Variants in FOXP1 observed in about 807,000 individuals in gnomAD.
FOXP1 encodes forkhead box protein P1.
Under a neutral mutation model 98.2 loss-of-function variants are expected in FOXP1, and 15 were observed. That is an observed-to-expected ratio of 0.15 (90% CI 0.10 to 0.24). The LOEUF (loss-of-function observed/expected upper bound fraction) is 0.24, where lower values mean the gene tolerates loss of function less well. Among genes scored for constraint, FOXP1 ranks in the 10% least tolerant of loss-of-function variants. FOXP1 has a pLI of 1.00. For synonymous variants in FOXP1, 371 were observed against 314.5 expected (o/e 1.18, Z -1.90); for missense variants, 633 against 848.5 (o/e 0.75, Z 3.15).
intron 2 of FOXP1, among the ~76,000 whole-genome samples, chr3:71,540,325 G>A (rs367729470): frequency 6.6e-6 from 1 of 152,192 alleles, no homozygotes; most frequent in African/African-American, 2.4e-5. Flanking sequence ...TGTAAACAAC[G>A]TCTAATGACA....
At chr3:71,226,692 T>C (rs1408414336) in intron 5 of FOXP1, among the ~76,000 whole-genome samples, 2 of 151,954 alleles carry the variant, frequency 1.3e-5, no homozygotes, top group Non-Finnish European at 2.9e-5. Flanking sequence ...ATCTTCCTCT[T>C]AGTATCCCTT....
At chr3:71,102,100 C>A (rs924417207) in intron 7 of FOXP1, among the ~76,000 whole-genome samples, 4 of 152,142 alleles carry the variant, frequency 2.6e-5, no homozygotes, top group African/African-American at 7.2e-5. Flanking sequence ...ACAATCCCAA[C>A]AGCAAGGTGG....
At chr3:71,157,194 T>A (rs1360741153) in intron 6 of FOXP1, among the ~76,000 whole-genome samples, 1 of 152,082 alleles carries the variant, frequency 6.6e-6, no homozygotes, top group Non-Finnish European at 1.5e-5. Context: ...CAGGTATAGA[T>A]TTTCAAACAT....
intron 3 of FOXP1, among the ~76,000 whole-genome samples, chr3:71,412,622 C>A (rs2082838182): frequency 6.6e-6 from 1 of 152,148 alleles, no homozygotes; most frequent in Admixed American, 6.5e-5. Context: ...CATGATGCAA[C>A]CAAACCTTGT....
At chr3:71,395,516 A>C (rs529415485) in intron 3 of FOXP1, among the ~76,000 whole-genome samples, 11 of 151,662 alleles carry the variant, frequency 7.3e-5, no homozygotes, top group African/African-American at 2.7e-4. Flanking sequence ...TCCTCTGAGA[A>C]GCCTTACCTG....
chr3:71,015,944 G>C (rs1446266378), intron 11 of FOXP1, among the ~76,000 whole-genome samples: 2 of 152,162 alleles, frequency 1.3e-5, no homozygotes, highest in Admixed American at 6.5e-5. Flanking sequence ...GACTGCGAAG[G>C]AGTCTTTAAA....
intron 20 of FOXP1, among the ~76,000 whole-genome samples, chr3:70,965,004 G>A (rs2034437569): frequency 6.6e-6 from 1 of 152,188 alleles, no homozygotes; most frequent in South Asian, 2.1e-4. Context: ...TAGACAAGCA[G>A]CCTATTCTAG....
At chr3:70,963,308 G>C (rs2033998054) in intron 20 of FOXP1, among the ~76,000 whole-genome samples, 2 of 152,208 alleles carry the variant, frequency 1.3e-5, no homozygotes, top group South Asian at 4.1e-4. Flanking sequence ...CTTTAGAGAA[G>C]TGAAATCCGA....
At chr3:71,483,855 AT>A (rs1483962876) in intron 3 of FOXP1, among the ~76,000 whole-genome samples, 5 of 152,078 alleles carry the variant, frequency 3.3e-5, no homozygotes, top group Non-Finnish European at 7.4e-5. Context: ...GTAAAAAAAA[AT>A]AAAAATAAAT....
At chr3:71,410,554 G>A (rs1470258017) in intron 3 of FOXP1, among the ~76,000 whole-genome samples, 2 of 152,170 alleles carry the variant, frequency 1.3e-5, no homozygotes, top group Non-Finnish European at 2.9e-5. Context: ...AGTCAAAAAG[G>A]CATCCATGGG....
intron 7 of FOXP1, among the ~76,000 whole-genome samples, chr3:71,080,018 C>A (rs978400305): frequency 6.6e-6 from 1 of 152,200 alleles, no homozygotes; most frequent in African/African-American, 2.4e-5. Context: ...TTGCTCATTT[C>A]AGAGCAGGAC....
chr3:71,076,983 C>T (rs1272709282), intron 7 of FOXP1, among the ~76,000 whole-genome samples: 1 of 152,192 alleles, frequency 6.6e-6, no homozygotes, highest in Non-Finnish European at 1.5e-5. Context: ...AACATTCACA[C>T]AGGGATTGGA....
chr3:71,032,042 C>T (rs558183527), intron 11 of FOXP1, among the ~76,000 whole-genome samples: 4 of 152,270 alleles, frequency 2.6e-5, no homozygotes, highest in Admixed American at 6.5e-5. Context: ...AGTGTGTGTG[C>T]GTCATAACTC....
Position 71,112,496 on chromosome 3 carries a change from A to C in FOXP1, c.282+40T>G, listed in dbSNP as rs760387864. On this transcript the variant is annotated intron_variant, in intron 7 of 20. Transcript: ENST00000649528. Reference sequence around the variant, plus strand: ...CCTGAACTGCTTGTCACTTATCCCAAAGGGTATAATGTCAATTTAAAAAGA... The same window carrying C: ...CCTGAACTGCTTGTCACTTATCCCACAGGGTATAATGTCAATTTAAAAAGA... The C allele has an allele frequency of 2.1e-6, 3 of 1,460,254 alleles. No homozygotes were observed. In the Admixed American group the frequency reaches 5.0e-5, roughly 24 times the overall value. The allele number at this position is 1,460,254 out of a possible 1,614,324, so 90.5% of individuals were successfully genotyped here. A position where few individuals can be genotyped will look rare whatever the true frequency, so the allele number is the denominator to read the frequency against.
intron 5 of FOXP1, among the ~76,000 whole-genome samples, chr3:71,236,228 C>T (rs1005547725): frequency 4.6e-5 from 7 of 152,232 alleles, no homozygotes; most frequent in Admixed American, 2.0e-4. Context: ...GGGGTAGGTG[C>T]TATATTCTCA....
chr3:70,986,605 A>G (rs2039777346), intron 14 of FOXP1, among the ~76,000 whole-genome samples: 1 of 152,202 alleles, frequency 6.6e-6, no homozygotes, highest in Non-Finnish European at 1.5e-5. Context: ...TCAGAGGCTC[A>G]CCATTTTGCT....
At chr3:71,207,483 C>A (rs2064133655) in intron 5 of FOXP1, among the ~76,000 whole-genome samples, 2 of 152,098 alleles carry the variant, frequency 1.3e-5, no homozygotes, top group African/African-American at 4.8e-5. Flanking sequence ...GCAAAAGGAA[C>A]AATTATTTAA....
At chr3:71,387,871 G>C (rs1263717947) in intron 3 of FOXP1, among the ~76,000 whole-genome samples, 2 of 152,184 alleles carry the variant, frequency 1.3e-5, no homozygotes, top group East Asian at 3.8e-4. Flanking sequence ...AAAAAAGTTT[G>C]TAACTGTCAA....
At chr3:71,114,708 C>A (rs1207015114) in intron 6 of FOXP1, among the ~76,000 whole-genome samples, 1 of 152,140 alleles carries the variant, frequency 6.6e-6, no homozygotes, top group Admixed American at 6.5e-5. Context: ...AAGGGAGAGA[C>A]AGATTCGACA....
Sources: gnomAD v4.1 joint callset for allele counts (sites outside exome capture counted in the v4.1 genomes callset) on GRCh38, gnomAD v4.1.1 for gene constraint, MANE v1.5 for transcripts, NCBI Gene and HGNC (gene_info 2026-07-23, HGNC 2026-07-21) for gene names.